RAB14: variants seen among roughly 807,000 people sequenced by gnomAD.
RAB14 encodes the protein ras-related protein Rab-14.
A neutral mutation model predicts 31.1 loss-of-function variants in RAB14; 3 were observed. The ratio of observed to expected loss-of-function variants is 0.10; its 90% CI spans 0.04 to 0.25. The LOEUF is 0.25. RAB14 is among the 10% of genes least tolerant of loss of function. The pLI, the probability that RAB14 is intolerant of heterozygous loss-of-function variation, is 1.00. For missense variants in RAB14, 111 were observed against 260.1 expected, an observed-to-expected ratio of 0.43 and a Z score of 3.94; for synonymous variants, 85 against 84.9, an observed-to-expected ratio of 1.00 and a Z score of 0.00.
rs1392476349 is a variant in RAB14, at chr9:121,182,953, C to T, written c.447G>A (p.Leu149=). ...AKQFAEENGL[L]FLEASAKTGE... ...ACGTTTTTGCACTCGCTTCGAGGAA[C>T]AATAAGCCTAAAAATAAAATTCAGA... The change falls in exon 7 of 8, where the codon TTG becomes TTA. Residue 149 remains leucine, a synonymous_variant. Coordinates refer to ENST00000373840, the MANE Select transcript of RAB14 (RefSeq NM_016322.4). 2 of 1,605,536 alleles carry T rather than the reference C, an allele frequency of 1.2e-6. No individual in the cohort carries two copies. The highest frequency in any genetic ancestry group is 2.7e-5 in the African/African-American group (2 of 74,776).
At chr9:121,182,615 C>A (rs2053639180) in intron 7 of RAB14, among the ~76,000 whole-genome samples, 1 of 152,194 alleles carries the variant, frequency 6.6e-6, no homozygotes, top group African/African-American at 2.4e-5. Context: ...CCAAACTCAA[C>A]CTCACTTGTG....
chr9:121,196,761 A>G (rs2053719252), intron 1 of RAB14, among the ~76,000 whole-genome samples: 1 of 152,230 alleles, frequency 6.6e-6, no homozygotes, highest in Non-Finnish European at 1.5e-5. Flanking sequence ...GATGCACTGC[A>G]GTCAGAATTT....
intron 1 of RAB14, among the ~76,000 whole-genome samples, chr9:121,195,696 G>A (rs996958529): frequency 1.3e-5 from 2 of 151,848 alleles, no homozygotes; most frequent in African/African-American, 4.8e-5. Flanking sequence ...TTTCTTGCTC[G>A]TTTCTTTAAA....
rs1374932395 is a variant in RAB14 at position 121,180,999 on chromosome 9, G to T, written c.*397C>A. On this transcript the variant is annotated 3_prime_UTR_variant, in exon 8 of 8. Coordinates refer to ENST00000373840, the MANE Select transcript of RAB14 (RefSeq NM_016322.4). The stretch of plus-strand genomic sequence containing the variant: ...CTTATTGGTTACAACAGACATACTT[G>T]AACAGTTAAGGATGGGAAGAAAGGC... 6.4e-6 allele frequency: 1 copy of T among 156,792 alleles called. No individual in the cohort carries two copies. Among genetic ancestry groups the T allele is most frequent in the African/African-American group, 2.4e-5 (1 of 41,606 alleles). The allele number at this position is 156,792 out of a possible 1,614,324, so 9.7% of individuals were successfully genotyped here.
chr9:121,185,164 G>C (rs954236118), intron 5 of RAB14, among the ~76,000 whole-genome samples: 1 of 152,146 alleles, frequency 6.6e-6, no homozygotes, highest in South Asian at 2.1e-4. Flanking sequence ...GAAGGACACA[G>C]GGCGGTAAGG....
At chr9:121,201,339 G>A (rs896481113) in intron 1 of RAB14, among the ~76,000 whole-genome samples, 3 of 152,132 alleles carry the variant, frequency 2.0e-5, no homozygotes, top group African/African-American at 7.2e-5. Context: ...GAGAAGGCGG[G>A]GAAGGCGAGG....
chr9:121,199,627 T>C (rs1016613520), intron 1 of RAB14, among the ~76,000 whole-genome samples: 5 of 152,126 alleles, frequency 3.3e-5, no homozygotes, highest in African/African-American at 1.2e-4. Flanking sequence ...AATGATAAAG[T>C]TTAACTGTAA....
intron 3 of RAB14, among the ~76,000 whole-genome samples, chr9:121,191,212 A>C (rs544567882): frequency 6.6e-6 from 1 of 152,290 alleles, no homozygotes; most frequent in South Asian, 2.1e-4. Context: ...TATACCATTT[A>C]GCCTTCTTAC....
intron 4 of RAB14, 120 bp from the exon 5 acceptor site, chr9:121,187,139 C>T (rs2053663119): frequency 1.8e-6 from 1 of 541,008 alleles, no homozygotes; most frequent in Non-Finnish European, 3.0e-6. Flanking sequence ...TGACCAGTTA[C>T]TCAGAACAGT....
Position 121,178,968 on chromosome 9 carries a change from T to C in RAB14, c.*2428A>G, listed in dbSNP as rs1442714615. On this transcript the variant is annotated 3_prime_UTR_variant, in exon 8 of 8. Transcript: ENST00000373840. The stretch of plus-strand genomic sequence containing the variant: ...GTTACAATATGACAATCTGCTCTAT[T>C]TGTGAGCACCTGAGTGTATTACAGG... The C allele has an allele frequency of 6.6e-6, 1 of 152,256 alleles. No homozygotes were observed. The allele number at this position is 152,256 out of a possible 1,614,324, so 9.4% of individuals were successfully genotyped here.
chr9:121,195,640 T>C (rs1422980904), intron 1 of RAB14, among the ~76,000 whole-genome samples: 1 of 152,118 alleles, frequency 6.6e-6, no homozygotes, highest in Non-Finnish European at 1.5e-5. Context: ...AAATGATCAC[T>C]ATTTCGGATT....
chr9:121,196,096 CTT>C (rs774979110), intron 1 of RAB14, among the ~76,000 whole-genome samples: 36 of 151,804 alleles, frequency 2.4e-4, no homozygotes, highest in Non-Finnish European at 2.4e-4. Context: ...TTAGAGAACT[CTT>C]GAGTCTAAAA....
intron 4 of RAB14, among the ~76,000 whole-genome samples, chr9:121,187,573 T>G (rs910245264): frequency 1.3e-5 from 2 of 152,068 alleles, no homozygotes; most frequent in African/African-American, 4.8e-5. Context: ...TTGAAGACAT[T>G]TGACAAGAAT....
At chr9:121,198,674 A>G (rs941805205) in intron 1 of RAB14, among the ~76,000 whole-genome samples, 4 of 152,210 alleles carry the variant, frequency 2.6e-5, no homozygotes, top group Non-Finnish European at 4.4e-5. Flanking sequence ...CAACATAAAC[A>G]TATCTGTTAA....
At chr9:121,196,249 T>A (rs2053716377) in intron 1 of RAB14, among the ~76,000 whole-genome samples, 2 of 152,218 alleles carry the variant, frequency 1.3e-5, no homozygotes, top group Admixed American at 6.5e-5. Flanking sequence ...AAATTCACTT[T>A]ATTCCACATT....
Position 121,192,033 on chromosome 9 carries a change from T to C in RAB14, c.106+138A>G, listed in dbSNP as rs189384047. 174 of 513,676 alleles carry C rather than the reference T, an allele frequency of 3.4e-4. 1 individual carries two copies. The Middle Eastern group carries it at 6.5e-3, about 19-fold the overall frequency. 31.8% of individuals were successfully genotyped at this position (513,676 alleles called of 1,614,324 possible). A position where few individuals can be genotyped will look rare whatever the true frequency, so the allele number is the denominator to read the frequency against. On this transcript the variant is annotated intron_variant, in intron 3 of 7. Transcript: ENST00000373840. ...ATGCTGGCATATTTCATTTTATCTGTACCCATTTAAAAAAAGTACAAATAT... is the reference window on the plus strand; with the variant it reads ...ATGCTGGCATATTTCATTTTATCTGCACCCATTTAAAAAAAGTACAAATAT...
chr9:121,197,625 G>C (rs1350003597), intron 1 of RAB14, among the ~76,000 whole-genome samples: 1 of 152,120 alleles, frequency 6.6e-6, no homozygotes, highest in Admixed American at 6.5e-5. Context: ...TAAACGACTA[G>C]TTTTGAAACA....
intron 5 of RAB14, among the ~76,000 whole-genome samples, chr9:121,184,855 T>C (rs1588367416): frequency 6.6e-6 from 1 of 152,192 alleles, no homozygotes; most frequent in African/African-American, 2.4e-5. Flanking sequence ...TCAAGTCTGG[T>C]AAAGCCACAA....
chr9:121,185,775 G>T (rs955022438), intron 5 of RAB14, among the ~76,000 whole-genome samples: 5 of 152,108 alleles, frequency 3.3e-5, no homozygotes, highest in African/African-American at 1.2e-4. Context: ...CCACTATAGA[G>T]ATGTTCCGAA....
Sources: gnomAD v4.1 joint callset for allele counts (sites outside exome capture counted in the v4.1 genomes callset) on GRCh38, gnomAD v4.1.1 for gene constraint, MANE v1.5 for transcripts, NCBI Gene and HGNC (gene_info 2026-07-23, HGNC 2026-07-21) for gene names.